ABCC4: variants seen among roughly 807,000 people sequenced by gnomAD.
ABCC4 encodes ATP binding cassette subfamily C member 4 (PEL blood group), also known as ATP-binding cassette sub-family C member 4.
A neutral mutation model predicts 168.5 loss-of-function variants in ABCC4; 102 were observed. The observed-to-expected ratio is 0.61, with a 90% CI of 0.52 to 0.71. The LOEUF is 0.71. Ranked by LOEUF, ABCC4 falls within the 30% of genes least tolerant of loss-of-function variation. The pLI is 0.00. For missense variants in ABCC4, 1,402 were observed against 1,605.8 expected, an observed-to-expected ratio of 0.87 and a Z score of 2.17; for synonymous variants, 617 against 590.7, an observed-to-expected ratio of 1.04 and a Z score of -0.65.
chr13:95,149,465 G>C (rs944603292), intron 19 of ABCC4, among the ~76,000 whole-genome samples: 1 of 151,866 alleles, frequency 6.6e-6, no homozygotes, highest in Non-Finnish European at 1.5e-5. Context: ...TCTCCAAAAA[G>C]AGAAGAAGAA....
At chr13:95,086,087 TTGTGTGTGTG>T (rs55973195) in intron 20 of ABCC4, among the ~76,000 whole-genome samples, 2 of 141,986 alleles carry the variant, frequency 1.4e-5, no homozygotes, top group African/African-American at 2.6e-5. Flanking sequence ...TTTAAGGTTA[TTGTGTGTGTG>T]TGTGTGTGTG....
intron 20 of ABCC4, among the ~76,000 whole-genome samples, chr13:95,094,366 T>A (rs1336416322): frequency 6.6e-6 from 1 of 150,574 alleles, no homozygotes; most frequent in Non-Finnish European, 1.5e-5. Context: ...AGAACCCAAA[T>A]ACTTAACCGC....
At chr13:95,215,538 T>C (rs564205686) in intron 4 of ABCC4, among the ~76,000 whole-genome samples, 19 of 152,266 alleles carry the variant, frequency 1.2e-4, no homozygotes, top group African/African-American at 4.1e-4. Flanking sequence ...GGGAAGGTAA[T>C]AGAATTTTAC....
chr13:95,136,741 G>A lies in ABCC4; in HGVS notation c.2456-20740C>T, dbSNP rs546352911. On this transcript the variant is annotated intron_variant, in intron 19 of 30. Transcript: ENST00000645237. ...TTCTACTCTCTCACCTAAGGGTGGT[G>A]GACACGCTGGGGAAGGACGGGGTGG... 1.1e-3 allele frequency among the ~76,000 whole-genome samples: 175 copies of A among 152,344 alleles called. 4 individuals carry two copies. Among genetic ancestry groups the A allele is most frequent in the Admixed American group, 7.2e-4 (11 of 15,304 alleles).
Position 95,244,670 on chromosome 13 carries a change from A to AAAGAAATC in ABCC4, c.306+2304_306+2305insGATTTCTT, listed in dbSNP as rs72377318. ...GAAAGAAAGAAAGAAAGAAAGAAAG[A>AAAGAAATC]AATCATAGCAGTTCCTGGTACATAG... On this transcript the variant is annotated intron_variant, in intron 3 of 30. Coordinates refer to ENST00000645237, the MANE Select transcript of ABCC4 (RefSeq NM_005845.5). 3.4e-4 allele frequency among the ~76,000 whole-genome samples: 36 copies of AAAGAAATC among 106,448 alleles called. 2 individuals are homozygous for AAAGAAATC. Among genetic ancestry groups the AAAGAAATC allele is most frequent in the East Asian group, 1.0e-3 (4 of 3,966 alleles). 69.8% of individuals were successfully genotyped at this position (106,448 alleles called of 152,430 possible).
chr13:95,146,075 G>A (rs771946296), intron 19 of ABCC4, among the ~76,000 whole-genome samples: 2 of 152,086 alleles, frequency 1.3e-5, no homozygotes, highest in African/African-American at 4.8e-5. Flanking sequence ...GCTGGGCATG[G>A]TGATATGCGC....
rs143503863 is a variant in ABCC4 at position 95,283,338 on chromosome 13, A to G, written c.74+17903T>C. 6.4e-3 allele frequency among the ~76,000 whole-genome samples: 929 copies of G among 145,206 alleles called. 13 individuals are homozygous for G. Among genetic ancestry groups the G allele is most frequent in the African/African-American group, 0.022 (869 of 39,822 alleles). ...CTGCTGCTGATGCTGCTAATCCTAG[A>G]GCCACCTTGAAGTTTTTCTGTGGTT... On this transcript the variant is annotated intron_variant, in intron 1 of 30. Transcript: ENST00000645237.
At chr13:95,197,609 C>T (rs1316900035) in intron 8 of ABCC4, among the ~76,000 whole-genome samples, 1 of 152,216 alleles carries the variant, frequency 6.6e-6, no homozygotes, top group African/African-American at 2.4e-5. Context: ...ATTGCCAATA[C>T]AGCAATGAGG....
intron 19 of ABCC4, among the ~76,000 whole-genome samples, chr13:95,141,774 C>T (rs1358125449): frequency 6.6e-6 from 1 of 152,180 alleles, no homozygotes; most frequent in African/African-American, 2.4e-5. Context: ...TGTGTATTGA[C>T]TCTTTCGTAA....
intron 27 of ABCC4, among the ~76,000 whole-genome samples, chr13:95,049,182 A>AT (rs1308045956): frequency 6.6e-6 from 1 of 151,888 alleles, no homozygotes; most frequent in East Asian, 1.9e-4. Flanking sequence ...AAAAATACAA[A>AT]AATTAGCCAG....
At chr13:95,108,019 C>T (rs1313725828) in intron 20 of ABCC4, among the ~76,000 whole-genome samples, 1 of 152,128 alleles carries the variant, frequency 6.6e-6, no homozygotes. Flanking sequence ...AAAACAGTCA[C>T]AGTTTCTCTG....
chr13:95,083,298 A>C lies in ABCC4; in HGVS notation c.2536-8T>G, dbSNP rs200283979. 6.8e-5 allele frequency: 110 copies of C among 1,611,524 alleles called. 2 individuals are homozygous for C. The East Asian group carries it at 2.4e-3, about 35-fold the overall frequency. ...AACCACTTGTAGCAATGTCTGAAAT[A>C]GCAGAAGTAGATGCAGGTTTTCCTT... On this transcript the variant is annotated splice_polypyrimidine_tract_variant and splice_region_variant and intron_variant, in intron 20 of 30. Coordinates refer to ENST00000645237, the MANE Select transcript of ABCC4 (RefSeq NM_005845.5).
chr13:95,133,396 G>A (rs772928471), intron 19 of ABCC4, among the ~76,000 whole-genome samples: 61 of 152,124 alleles, frequency 4.0e-4, no homozygotes, highest in Admixed American at 8.5e-4. Flanking sequence ...TTACAGGTAT[G>A]AGCCACCACA....
At chr13:95,225,238 CTAAA>C (rs2138726949) in intron 4 of ABCC4, among the ~76,000 whole-genome samples, 1 of 151,488 alleles carries the variant, frequency 6.6e-6, no homozygotes, top group Non-Finnish European at 1.5e-5. Context: ...GCATGATTAT[CTAAA>C]TAGCTATCCT....
At chr13:95,185,978 CT>C (rs2038045725) in intron 11 of ABCC4, among the ~76,000 whole-genome samples, 1 of 151,866 alleles carries the variant, frequency 6.6e-6, no homozygotes, top group Non-Finnish European at 1.5e-5. Context: ...AACAAATTTT[CT>C]TTTTTAAAGG....
intron 1 of ABCC4, 63 bp downstream of exon 1, chr13:95,301,178 C>T: frequency 1.3e-6 from 2 of 1,486,466 alleles, no homozygotes; most frequent in Non-Finnish European, 1.8e-6. Flanking sequence ...GGCGCGGCCC[C>T]GGGAGAGTGC....
At chr13:95,251,626 T>G (rs1484257447) in intron 1 of ABCC4, among the ~76,000 whole-genome samples, 1 of 152,160 alleles carries the variant, frequency 6.6e-6, no homozygotes, top group Non-Finnish European at 1.5e-5. Flanking sequence ...GTATACCTCC[T>G]GAACTTAGGC....
At chr13:95,131,661 A>G (rs548949142) in intron 19 of ABCC4, among the ~76,000 whole-genome samples, 1 of 152,224 alleles carries the variant, frequency 6.6e-6, no homozygotes, top group East Asian at 1.9e-4. Context: ...AGAGTTGCCC[A>G]AAGATGTCAG....
intron 29 of ABCC4, among the ~76,000 whole-genome samples, chr13:95,035,312 TGAG>T (rs2032075205): frequency 6.6e-6 from 1 of 152,142 alleles, no homozygotes; most frequent in Admixed American, 6.5e-5. Context: ...CTCTGGATGG[TGAG>T]GTTAAGGTGC....
Sources: allele counts gnomAD v4.1 joint callset (sites outside exome capture counted in the v4.1 genomes callset), GRCh38; gene constraint gnomAD v4.1.1; transcripts MANE v1.5; gene names NCBI Gene and HGNC (gene_info 2026-07-23, HGNC 2026-07-21).